SLC44A5: variants seen among roughly 807,000 people sequenced by gnomAD.
SLC44A5 encodes the protein solute carrier family 44 member 5.
A neutral mutation model predicts 101.8 loss-of-function variants in SLC44A5; 57 were observed. The observed-to-expected ratio is 0.56, with a 90% CI of 0.45 to 0.70. The LOEUF (loss-of-function observed/expected upper bound fraction) is 0.70. Ranked by LOEUF, SLC44A5 falls within the 30% of genes least tolerant of loss-of-function variation. The probability of loss-of-function intolerance (pLI) is 0.00; values close to 1 mark genes in which losing one functional copy is unlikely to be tolerated. For synonymous variants in SLC44A5, 281 were observed against 290.9 expected, an observed-to-expected ratio of 0.97 and a Z score of 0.35; for missense variants, 737 against 853.1, an observed-to-expected ratio of 0.86 and a Z score of 1.70.
chr1:75,612,296 C>G (rs746827413), upstream of SLC44A5, among the ~76,000 whole-genome samples: 1 of 152,098 alleles, frequency 6.6e-6, no homozygotes, highest in South Asian at 2.1e-4. Flanking sequence ...CCAATGGCTT[C>G]TCATTGCACT....
chr1:75,374,964 A>C (rs745726631), intron 3 of SLC44A5, among the ~76,000 whole-genome samples: 2 of 152,200 alleles, frequency 1.3e-5, no homozygotes, highest in Admixed American at 6.5e-5. Context: ...GTGTTTCCTT[A>C]CCTCTAAAGG....
chr1:75,699,832 CA>C, the SLC44A5 span, among the ~76,000 whole-genome samples: 1 of 151,588 alleles, frequency 6.6e-6, no homozygotes. Flanking sequence ...AAATGGAAAA[CA>C]AAAAAAGGCA....
chr1:75,278,182 T>C (rs1416464363), intron 5 of SLC44A5, among the ~76,000 whole-genome samples: 1 of 152,112 alleles, frequency 6.6e-6, no homozygotes, highest in Admixed American at 6.6e-5. Flanking sequence ...GAAGAATATC[T>C]TAATTTTTAT....
the SLC44A5 span, among the ~76,000 whole-genome samples, chr1:75,640,259 G>C: frequency 2.6e-5 from 4 of 152,016 alleles, no homozygotes; most frequent in African/African-American, 9.7e-5. Flanking sequence ...GTCTCAGCTT[G>C]GATGGTTGGA....
chr1:75,282,655 C>T (rs78500096), intron 5 of SLC44A5, among the ~76,000 whole-genome samples: 8,934 of 152,124 alleles, frequency 0.059, 305 homozygotes, highest in Middle Eastern at 0.12. Context: ...GGTGCAGTTT[C>T]GCCGTGCTGT....
chr1:75,510,864 CG>C (rs1669528509), intron 2 of SLC44A5, among the ~76,000 whole-genome samples: 1 of 152,122 alleles, frequency 6.6e-6, no homozygotes, highest in Non-Finnish European at 1.5e-5. Context: ...AATGGTAGGC[CG>C]GGCGCTGTGG....
chr1:75,254,639 C>T (rs994222784), intron 6 of SLC44A5, among the ~76,000 whole-genome samples: 1 of 151,866 alleles, frequency 6.6e-6, no homozygotes, highest in South Asian at 2.1e-4. Flanking sequence ...GAGAGTTCAG[C>T]AATATTTGGA....
intron 3 of SLC44A5, among the ~76,000 whole-genome samples, chr1:75,366,218 C>G (rs928317183): frequency 6.6e-6 from 1 of 152,108 alleles, no homozygotes; most frequent in African/African-American, 2.4e-5. Context: ...TAAGGCAGAC[C>G]TAGTGGTGAT....
chr1:75,376,130 G>A (rs901007419), intron 3 of SLC44A5, among the ~76,000 whole-genome samples: 17 of 152,340 alleles, frequency 1.1e-4, no homozygotes, highest in African/African-American at 3.1e-4. Context: ...TTTTCCGACC[G>A]GCTTAAAAAA....
chr1:75,300,145 G>A (rs185588934), intron 5 of SLC44A5, among the ~76,000 whole-genome samples: 1,730 of 150,860 alleles, frequency 0.011, 26 homozygotes, highest in Non-Finnish European at 0.014. Flanking sequence ...TATCACTTGG[G>A]CAAAGAGACT....
At chr1:75,328,821 A>G (rs746757412) in intron 4 of SLC44A5, among the ~76,000 whole-genome samples, 1 of 152,146 alleles carries the variant, frequency 6.6e-6, no homozygotes, top group Admixed American at 6.5e-5. Flanking sequence ...CTGGGGTACA[A>G]TGGGATATAC....
intron 1 of SLC44A5, among the ~76,000 whole-genome samples, chr1:75,610,134 A>AAC (rs1675567233): frequency 2.5e-5 from 2 of 79,454 alleles, no homozygotes; most frequent in South Asian, 8.9e-4. Context: ...CAAGTCAAGA[A>AAC]ATACACACAC....
intron 1 of SLC44A5, among the ~76,000 whole-genome samples, chr1:75,552,213 G>C (rs1570595348): frequency 6.6e-6 from 1 of 152,038 alleles, no homozygotes; most frequent in East Asian, 1.9e-4. Flanking sequence ...TGCCTCACCA[G>C]CCCATCCTAT....
chr1:75,274,301 G>A (rs918298378), intron 6 of SLC44A5, among the ~76,000 whole-genome samples: 2 of 151,972 alleles, frequency 1.3e-5, no homozygotes, highest in East Asian at 1.9e-4. Flanking sequence ...AAGAGGGAAG[G>A]TTTTCTAAAA....
intron 13 of SLC44A5, among the ~76,000 whole-genome samples, chr1:75,224,229 G>T (rs2100524252): frequency 6.6e-6 from 1 of 152,326 alleles, no homozygotes. Flanking sequence ...AACCAATTGT[G>T]CTGACAGTCA....
At chr1:75,703,182 A>G in the SLC44A5 span, among the ~76,000 whole-genome samples, 1 of 151,456 alleles carries the variant, frequency 6.6e-6, no homozygotes, top group South Asian at 2.1e-4. Context: ...AGGATTATAA[A>G]TCATGCTGCT....
chr1:75,679,014 G>A, the SLC44A5 span, among the ~76,000 whole-genome samples: 8 of 152,254 alleles, frequency 5.3e-5, no homozygotes, highest in East Asian at 9.7e-4. Context: ...GGGTATCAGC[G>A]ATGGAAGATG....
chr1:75,436,030 C>G (rs1292684185), intron 2 of SLC44A5, among the ~76,000 whole-genome samples: 1 of 152,114 alleles, frequency 6.6e-6, no homozygotes, highest in Non-Finnish European at 1.5e-5. Flanking sequence ...TGAAGACACA[C>G]TAGTTTACAA....
rs1667753429 is a variant in SLC44A5, at chr1:75,480,286, A to G, written c.13+61149T>C. Reference sequence around the variant, plus strand: ...TAAGAGCTATCTATGACAAACCCACAGCCAATATCATACTGAATGGGAAAA... The same window carrying G: ...TAAGAGCTATCTATGACAAACCCACGGCCAATATCATACTGAATGGGAAAA... On this transcript the variant is annotated intron_variant, in intron 2 of 23. Transcript: ENST00000370859. 3.9e-5 allele frequency among the ~76,000 whole-genome samples: 6 copies of G among 152,310 alleles called. No individual in the cohort carries two copies. In the South Asian group the frequency reaches 1.2e-3, roughly 32 times the overall value.
Sources: gnomAD v4.1 joint callset for allele counts (sites outside exome capture counted in the v4.1 genomes callset) on GRCh38, gnomAD v4.1.1 for gene constraint, MANE v1.5 for transcripts, NCBI Gene and HGNC (gene_info 2026-07-23, HGNC 2026-07-21) for gene names.